The following KPNA6 variants were observed in gnomAD, a reference collection of about 807,000 sequenced individuals.
KPNA6 encodes karyopherin subunit alpha 6.
A neutral mutation model predicts 72.0 loss-of-function variants in KPNA6; 9 were observed. The observed-to-expected ratio is 0.13, with a 90% CI of 0.08 to 0.22. The LOEUF (loss-of-function observed/expected upper bound fraction) is 0.22. Among genes scored for constraint, KPNA6 ranks in the 10% least tolerant of loss-of-function variants. The probability of loss-of-function intolerance (pLI) is 1.00; values close to 1 mark genes in which losing one functional copy is unlikely to be tolerated. For missense variants in KPNA6, 374 were observed against 655.7 expected (o/e 0.57, Z 4.69); for synonymous variants, 219 against 242.1 (o/e 0.90, Z 0.89).
At position 32,175,013 on chromosome 1, in the gene KPNA6, T is replaced by A. The variant is rs1557491857; in HGVS notation, c.*4119T>A. 1 of 152,242 alleles carries A rather than the reference T, an allele frequency of 6.6e-6. No homozygotes were observed. The highest frequency in any genetic ancestry group is 6.5e-5 in the Admixed American group (1 of 15,284). 9.4% of individuals were successfully genotyped at this position (152,242 alleles called of 1,614,324 possible). A position where few individuals can be genotyped will look rare whatever the true frequency, so the allele number is the denominator to read the frequency against. On this transcript the variant is annotated 3_prime_UTR_variant, in exon 14 of 14. Transcript: ENST00000373625. ...TTTGGCCCTGCTGGGATCCATGTAG[T>A]GGGCACTAGCTGCTCTTTGGCCAAG...
intron 1 of KPNA6, among the ~76,000 whole-genome samples, chr1:32,116,113 T>A (rs1641323805): frequency 6.6e-6 from 1 of 152,148 alleles, no homozygotes; most frequent in Non-Finnish European, 1.5e-5. Flanking sequence ...GGCAGTATTG[T>A]GGCTGATTTG....
intron 1 of KPNA6, among the ~76,000 whole-genome samples, chr1:32,145,616 C>T (rs1205130108): frequency 6.6e-6 from 1 of 152,134 alleles, no homozygotes; most frequent in African/African-American, 2.4e-5. Flanking sequence ...TGAGCCACCC[C>T]GCCTGGTCTG....
At chr1:32,126,291 C>T (rs1641534799) in intron 1 of KPNA6, among the ~76,000 whole-genome samples, 1 of 123,158 alleles carries the variant, frequency 8.1e-6, no homozygotes, top group Non-Finnish European at 1.7e-5. Context: ...CTTCCCCACC[C>T]CCCCACCCCC....
Position 32,173,081 on chromosome 1 carries a change from CT to C in KPNA6, c.*2188del. 1 of 396,474 alleles carries C rather than the reference CT, an allele frequency of 2.5e-6. No individual in the cohort carries two copies. The highest frequency in any genetic ancestry group is 4.4e-6 in the Non-Finnish European group (1 of 225,720). The allele number at this position is 396,474 out of a possible 1,614,324, so 24.6% of individuals were successfully genotyped here. Reference sequence around the variant, plus strand: ...CCACTCATCAGCTTGGGAATGATGGCTGCCAACTCCCAATCTCCCAGGAAGG... The same window carrying C: ...CCACTCATCAGCTTGGGAATGATGGCGCCAACTCCCAATCTCCCAGGAAGG... On this transcript the variant is annotated 3_prime_UTR_variant, in exon 14 of 14. Transcript: ENST00000373625.
At chr1:32,143,051 C>G in intron 1 of KPNA6, 1 of 1,206,450 alleles carries the variant, frequency 8.3e-7, no homozygotes, top group East Asian at 5.7e-5. Flanking sequence ...GTTCATAGTG[C>G]TGCCTTCAGA....
intron 1 of KPNA6, among the ~76,000 whole-genome samples, chr1:32,144,609 C>CTCCA (rs1212746616): frequency 6.6e-6 from 1 of 152,152 alleles, no homozygotes; most frequent in African/African-American, 2.4e-5. Flanking sequence ...ATTATTCTTA[C>CTCCA]TCCATCCTAG....
Position 32,143,110 on chromosome 1 carries a change from A to AG in KPNA6, c.5-11476dup, listed in dbSNP as rs138165638. On this transcript the variant is annotated intron_variant, in intron 1 of 13. Coordinates refer to ENST00000373625, the MANE Select transcript of KPNA6 (RefSeq NM_012316.5). Reference sequence around the variant, plus strand: ...CTCACAGGGATAATCGGGCCTCAAAAGGAGTGCAGAGGTGCAGACACAGCT... The same window carrying AG: ...CTCACAGGGATAATCGGGCCTCAAAAGGGAGTGCAGAGGTGCAGACACAGCT... The AG allele has an allele frequency of 7.8e-3, 5,626 of 724,192 alleles. 246 individuals carry two copies. The African/African-American group carries it at 0.091, about 12-fold the overall frequency. 44.9% of individuals were successfully genotyped at this position (724,192 alleles called of 1,614,324 possible). A position where few individuals can be genotyped will look rare whatever the true frequency, so the allele number is the denominator to read the frequency against.
Position 32,154,007 on chromosome 1 carries a change from TGTG to T in KPNA6, c.5-574_5-572del, listed in dbSNP as rs892351855. On this transcript the variant is annotated intron_variant, in intron 1 of 13. Transcript: ENST00000373625. ...ACTAAAAATATAAAAATTAACCAGT[TGTG>T]GTGGTGTGCGCCTGTAATCCCAGCT... Among the ~76,000 whole-genome samples the T allele has an allele frequency of 1.9e-4, 29 of 152,020 alleles. 1 individual carries two copies. Among genetic ancestry groups the T allele is most frequent in the Admixed American group, 1.4e-3 (21 of 15,258 alleles).
rs1641840965 is a variant in KPNA6, at chr1:32,141,676, C to T, written c.5-12912C>T. ...CCTCCCAAAGTGTTGGGGTTACAGA[C>T]ATGAGCCACCGTGCCTGGCCTATTA... is the stretch of plus-strand genomic sequence containing the variant. On this transcript the variant is annotated intron_variant, in intron 1 of 13. Coordinates refer to ENST00000373625, the MANE Select transcript of KPNA6 (RefSeq NM_012316.5). Among the ~76,000 whole-genome samples, 3 of 152,140 alleles carry T rather than the reference C, an allele frequency of 2.0e-5. 1 individual carries two copies. In the South Asian group the frequency reaches 6.2e-4, roughly 32 times the overall value.
intron 1 of KPNA6, among the ~76,000 whole-genome samples, chr1:32,138,170 G>A (rs539294495): frequency 1.2e-4 from 18 of 151,992 alleles, no homozygotes; most frequent in Middle Eastern, 3.4e-3. Context: ...AGCAGAAACT[G>A]GTTTAAAGAG....
At chr1:32,154,917 G>A (rs1302947494) in intron 2 of KPNA6, among the ~76,000 whole-genome samples, 196 bp downstream of exon 2, 1 of 151,970 alleles carries the variant, frequency 6.6e-6, no homozygotes, top group African/African-American at 2.4e-5. Context: ...AGACCAGCCT[G>A]GCCAACATGG....
rs1641205230 is a variant in KPNA6, at chr1:32,109,463, C to G, written c.4+1329C>G. On this transcript the variant is annotated intron_variant, in intron 1 of 13. Transcript: ENST00000373625. Reference sequence around the variant, plus strand: ...CTGGGATTACAGGTGTGAGCCACTGCGTCCAGCCTGTTTTTTTGTTTTGTT... The same window carrying G: ...CTGGGATTACAGGTGTGAGCCACTGGGTCCAGCCTGTTTTTTTGTTTTGTT... Among the ~76,000 whole-genome samples the G allele has an allele frequency of 3.3e-5, 5 of 151,904 alleles. No individual in the cohort carries two copies. In the South Asian group the frequency reaches 1.0e-3, roughly 32 times the overall value.
Position 32,175,953 on chromosome 1 carries a change from AAAAT to A in KPNA6, c.*5062_*5065del, listed in dbSNP as rs1364916130. ...TCCCTACAAAAATAAAAAAATAAAA[AAAAT>A]AAGCCAGGTGTGGTGGTGGGCACCT... On this transcript the variant is annotated 3_prime_UTR_variant, in exon 14 of 14. Coordinates refer to ENST00000373625, the MANE Select transcript of KPNA6 (RefSeq NM_012316.5). 6.6e-6 allele frequency: 1 copy of A among 151,774 alleles called. No homozygotes were observed. Among genetic ancestry groups the A allele is most frequent in the African/African-American group, 2.4e-5 (1 of 41,256 alleles). The allele number at this position is 151,774 out of a possible 1,614,324, so 9.4% of individuals were successfully genotyped here.
chr1:32,141,045 G>T (rs1050648480), intron 1 of KPNA6, among the ~76,000 whole-genome samples: 1 of 152,096 alleles, frequency 6.6e-6, no homozygotes, highest in East Asian at 1.9e-4. Flanking sequence ...TGCTTTGGGG[G>T]AATTAATCCT....
rs572673779 is a variant in KPNA6, at chr1:32,160,472, G to T, written c.559-143G>T. On this transcript the variant is annotated intron_variant, in intron 6 of 13. Coordinates refer to ENST00000373625, the MANE Select transcript of KPNA6 (RefSeq NM_012316.5). ...AAGTGCTCAGTAAGAATTTCAATAGGGAGGTTACCTGAGCTTGTGTAGTAT... is the reference window on the plus strand; with the variant it reads ...AAGTGCTCAGTAAGAATTTCAATAGTGAGGTTACCTGAGCTTGTGTAGTAT... The T allele has an allele frequency of 7.7e-6, 5 of 648,700 alleles. No homozygotes were observed. In the South Asian group the frequency reaches 8.6e-5, roughly 11 times the overall value. The allele number at this position is 648,700 out of a possible 1,614,324, so 40.2% of individuals were successfully genotyped here. A position where few individuals can be genotyped will look rare whatever the true frequency, so the allele number is the denominator to read the frequency against.
intron 1 of KPNA6, among the ~76,000 whole-genome samples, chr1:32,135,781 GT>G (rs907498090): frequency 4.0e-3 from 568 of 141,598 alleles, no homozygotes; most frequent in African/African-American, 0.01. Context: ...GAGTTATGGG[GT>G]TTTTTTTTTT....
intron 1 of KPNA6, among the ~76,000 whole-genome samples, chr1:32,132,679 A>ATG (rs1367883801): frequency 6.6e-6 from 1 of 152,084 alleles, no homozygotes; most frequent in African/African-American, 2.4e-5. Context: ...CGAGGCGGGC[A>ATG]GATCACAAGG....
intron 9 of KPNA6, among the ~76,000 whole-genome samples, chr1:32,163,010 A>G: frequency 6.6e-6 from 1 of 151,524 alleles, no homozygotes; most frequent in African/African-American, 2.4e-5. Flanking sequence ...AGGCTGAGGC[A>G]GGAGAATGGC....
At chr1:32,168,864 TGGAGTTCAGCGAATTAG>T (rs763323449) in intron 12 of KPNA6, among the ~76,000 whole-genome samples, 26 of 152,168 alleles carry the variant, frequency 1.7e-4, no homozygotes, top group Non-Finnish European at 2.6e-4. Context: ...CCATAGAATT[TGGAGTTCAGCGAATTAG>T]GGAGCCTGTG....
Sources: gnomAD v4.1 joint callset for allele counts (sites outside exome capture counted in the v4.1 genomes callset) on GRCh38, gnomAD v4.1.1 for gene constraint, MANE v1.5 for transcripts, NCBI Gene and HGNC (gene_info 2026-07-23, HGNC 2026-07-21) for gene names.